TAF1B: variants seen among roughly 807,000 people sequenced by gnomAD.
TAF1B encodes the protein TATA-box binding protein associated factor, RNA polymerase I subunit B.
Under a neutral mutation model 83.9 loss-of-function variants are expected in TAF1B, and 61 were observed. The ratio of observed to expected loss-of-function variants is 0.73; its 90% confidence interval spans 0.59 to 0.90. The LOEUF (loss-of-function observed/expected upper bound fraction) is 0.90, where lower values mean the gene tolerates loss of function less well. TAF1B is among the 40% of genes least tolerant of loss of function. The pLI is 0.00. For missense variants in TAF1B, 625 were observed against 677.0 expected (o/e 0.92, Z 0.85); for synonymous variants, 221 against 224.6 (o/e 0.98, Z 0.14).
intron 5 of TAF1B, among the ~76,000 whole-genome samples, chr2:9,865,826 G>A (rs183881048): frequency 0.012 from 1,796 of 151,018 alleles, 15 homozygotes; most frequent in Non-Finnish European, 0.021. Flanking sequence ...ACAAAAACAA[G>A]CAAAGGGGAA....
At chr2:9,925,256 A>G (rs1666000742) in intron 14 of TAF1B, among the ~76,000 whole-genome samples, 1 of 152,112 alleles carries the variant, frequency 6.6e-6, no homozygotes, top group Non-Finnish European at 1.5e-5. Flanking sequence ...CCTGGCCAAC[A>G]TGGTGAAACC....
Position 9,851,642 on chromosome 2 carries a change from A to C in TAF1B, c.303+4A>C. On this transcript the variant is annotated splice_donor_region_variant and intron_variant, in intron 4 of 14. Transcript: ENST00000263663. ...TGGAGTAGGCCCAGAGTTAAAGGTA[A>C]GTACATTTGTGACTAGATGTTAGCT... 1 of 1,601,440 alleles carries C rather than the reference A, an allele frequency of 6.2e-7. No homozygotes were observed. Among genetic ancestry groups the C allele is most frequent in the South Asian group, 1.1e-5 (1 of 88,184 alleles).
At chr2:9,862,747 C>A (rs566504745) in intron 5 of TAF1B, among the ~76,000 whole-genome samples, 26 of 152,280 alleles carry the variant, frequency 1.7e-4, no homozygotes, top group African/African-American at 6.3e-4. Context: ...GCTGATCTCT[C>A]GGCAGAAACT....
Position 9,914,261 on chromosome 2 carries a change from A to G in TAF1B, c.1271+1012A>G, listed in dbSNP as rs1665614729. On this transcript the variant is annotated intron_variant, in intron 12 of 14. Transcript: ENST00000263663. This position sits in a 1 kb window ranked among gnomAD's most constrained non-coding sequence, Gnocchi z 4.3. ...TCTCAGTAGGCAGGATTGATGCACA[A>G]TGAAGAAGAGGGGTGGAGGTGAATT... Among the ~76,000 whole-genome samples, 2 of 152,154 alleles carry G rather than the reference A, an allele frequency of 1.3e-5. No homozygotes were observed. Among genetic ancestry groups the G allele is most frequent in the South Asian group, 4.1e-4 (2 of 4,820 alleles).
At chr2:9,928,127 T>A (rs997993110) in intron 14 of TAF1B, among the ~76,000 whole-genome samples, 13 of 152,338 alleles carry the variant, frequency 8.5e-5, no homozygotes, top group African/African-American at 3.1e-4. Context: ...GGGAATCGTT[T>A]CCCCACTTCT....
chr2:9,924,827 G>A (rs548975729), intron 14 of TAF1B, among the ~76,000 whole-genome samples: 5 of 152,318 alleles, frequency 3.3e-5, no homozygotes, highest in African/African-American at 1.2e-4. Flanking sequence ...CTCAGAGCTT[G>A]GGAACTAAGC....
chr2:9,876,469 T>G lies in TAF1B; in HGVS notation c.707+451T>G, dbSNP rs181456718. On this transcript the variant is annotated intron_variant, in intron 7 of 14. Transcript: ENST00000263663. ...AAGGAAAAGTTGAAGACAAAACTGT[T>G]GAAAGGATGTGTTATCCAGATAGTA... 9.6e-4 allele frequency among the ~76,000 whole-genome samples: 146 copies of G among 152,318 alleles called. 1 individual carries two copies. In the Middle Eastern group the frequency reaches 0.01, roughly 11 times the overall value.
chr2:9,911,839 T>TTG (rs1396411195), intron 11 of TAF1B, among the ~76,000 whole-genome samples: 4 of 152,240 alleles, frequency 2.6e-5, no homozygotes, highest in African/African-American at 9.6e-5. Context: ...ACAGGCAGCT[T>TTG]TGTGACCATC....
At chr2:9,920,968 A>G (rs968423490) in intron 14 of TAF1B, among the ~76,000 whole-genome samples, 1 of 152,152 alleles carries the variant, frequency 6.6e-6, no homozygotes, top group Non-Finnish European at 1.5e-5. Context: ...TTAATTAATG[A>G]TCGGCTCTGT....
At chr2:9,909,636 T>C (rs1312782231) in intron 9 of TAF1B, among the ~76,000 whole-genome samples, 2 of 152,154 alleles carry the variant, frequency 1.3e-5, no homozygotes, top group African/African-American at 4.8e-5. Flanking sequence ...AGAGCAGTTA[T>C]AAGGGTGGCC....
At chr2:9,920,640 G>A (rs770422743) in intron 14 of TAF1B, among the ~76,000 whole-genome samples, 1 of 152,088 alleles carries the variant, frequency 6.6e-6, no homozygotes, top group African/African-American at 2.4e-5. Context: ...TCAAGGTGCT[G>A]TGTCGTTTTT....
intron 3 of TAF1B, among the ~76,000 whole-genome samples, chr2:9,851,036 C>T (rs767115348): frequency 1.8e-4 from 28 of 152,162 alleles, no homozygotes; most frequent in Non-Finnish European, 3.7e-4. Flanking sequence ...TCGTGACATT[C>T]GTTCACTCAT....
At chr2:9,871,742 A>G (rs1664173605) in intron 6 of TAF1B, among the ~76,000 whole-genome samples, 1 of 152,068 alleles carries the variant, frequency 6.6e-6, no homozygotes, top group East Asian at 1.9e-4. Context: ...TTTCCCCCCG[A>G]GCTGATCAGA....
chr2:9,911,405 A>T (rs1665528753), intron 10 of TAF1B, 106 bp from the exon 11 acceptor site: 3 of 808,782 alleles, frequency 3.7e-6, no homozygotes, highest in Non-Finnish European at 5.7e-6. Flanking sequence ...AAAACATGGT[A>T]TCAATTTCAA....
At chr2:9,923,368 A>G (rs925551270) in intron 14 of TAF1B, among the ~76,000 whole-genome samples, 7 of 152,062 alleles carry the variant, frequency 4.6e-5, no homozygotes, top group Admixed American at 3.9e-4. Flanking sequence ...GTTGAGCTGC[A>G]TCTACAACGA....
rs115218144 is a variant in TAF1B at position 9,898,769 on chromosome 2, T to C, written c.808-6090T>C. Among the ~76,000 whole-genome samples the C allele has an allele frequency of 6.2e-3, 949 of 152,302 alleles. 12 individuals carry two copies. Among genetic ancestry groups the C allele is most frequent in the African/African-American group, 0.02 (824 of 41,570 alleles). Reference sequence around the variant, plus strand: ...CCCAAAAGTGTATTTATAAGAGGTTTCGTGTAAGATAAAAGTAGATATTAG... The same window carrying C: ...CCCAAAAGTGTATTTATAAGAGGTTCCGTGTAAGATAAAAGTAGATATTAG... On this transcript the variant is annotated intron_variant, in intron 8 of 14. Coordinates refer to ENST00000263663, the MANE Select transcript of TAF1B (RefSeq NM_005680.3).
chr2:9,865,141 A>C (rs571525104), intron 5 of TAF1B, among the ~76,000 whole-genome samples: 1 of 152,348 alleles, frequency 6.6e-6, no homozygotes, highest in African/African-American at 2.4e-5. Flanking sequence ...GAAAAGAGGA[A>C]GTCAAATTGT....
chr2:9,925,163 C>T (rs994289768), intron 14 of TAF1B, among the ~76,000 whole-genome samples: 10 of 152,160 alleles, frequency 6.6e-5, no homozygotes, highest in South Asian at 6.2e-4. Context: ...GTACTCAGGC[C>T]GGGCAGGGTG....
At chr2:9,870,692 A>T (rs1226305437) in intron 6 of TAF1B, among the ~76,000 whole-genome samples, 1 of 152,136 alleles carries the variant, frequency 6.6e-6, no homozygotes, top group African/African-American at 2.4e-5. Flanking sequence ...CATAGTCCCC[A>T]GTACATGCAT....
Sources: gnomAD v4.1 joint callset for allele counts (sites outside exome capture counted in the v4.1 genomes callset) on GRCh38, gnomAD v4.1.1 for gene constraint, Gnocchi (gnomAD v3.1) non-coding constraint, MANE v1.5 for transcripts, NCBI Gene and HGNC (gene_info 2026-07-23, HGNC 2026-07-21) for gene names.